Variants in RGS7 observed in about 807,000 individuals in gnomAD.
RGS7 encodes the protein regulator of G protein signaling 7.
In RGS7, 27 loss-of-function variants were observed where a neutral mutation model predicts 81.1. The observed-to-expected ratio is 0.33, with a 90% CI of 0.25 to 0.46. RGS7 has a LOEUF of 0.46. Among genes scored for constraint, RGS7 ranks in the 20% least tolerant of loss-of-function variants. The pLI is 1.00. For missense variants in RGS7, 396 were observed against 607.4 expected, an observed-to-expected ratio of 0.65 and a Z score of 3.66; for synonymous variants, 208 against 207.7, an observed-to-expected ratio of 1.00 and a Z score of -0.01.
rs562998503 is a variant in RGS7 at position 241,285,892 on chromosome 1, G to A, written c.78+69807C>T. ...CACAAGTATATACCTAGTTTTAAAG[G>A]TGCAGGGTTATAAGCATAAAAATGA... is the stretch of plus-strand genomic sequence containing the variant. On this transcript the variant is annotated intron_variant, in intron 2 of 18. Transcript: ENST00000440928. Among the ~76,000 whole-genome samples the A allele has an allele frequency of 2.0e-5, 3 of 152,124 alleles. No homozygotes were observed. In the East Asian group the frequency reaches 5.8e-4, roughly 29 times the overall value.
intron 9 of RGS7, among the ~76,000 whole-genome samples, chr1:240,846,550 C>A (rs1262937625): frequency 6.6e-6 from 1 of 152,092 alleles, no homozygotes; most frequent in Admixed American, 6.6e-5. Flanking sequence ...TAGGGCTTAA[C>A]CTAGTTTTAT....
intron 4 of RGS7, among the ~76,000 whole-genome samples, chr1:240,971,893 T>A (rs1213675003): frequency 5.9e-5 from 9 of 152,218 alleles, no homozygotes; most frequent in African/African-American, 2.2e-4. Flanking sequence ...TATAGGTTTG[T>A]AAGGGTCTTA....
At chr1:240,810,484 T>C (rs913646766) in intron 14 of RGS7, among the ~76,000 whole-genome samples, 1 of 148,716 alleles carries the variant, frequency 6.7e-6, no homozygotes, top group African/African-American at 2.5e-5. Context: ...TCTTGCTCTG[T>C]TGCCCAGGCT....
chr1:241,215,663 AC>A (rs2074504204), intron 2 of RGS7, among the ~76,000 whole-genome samples: 1 of 152,114 alleles, frequency 6.6e-6, no homozygotes, highest in South Asian at 2.1e-4. Flanking sequence ...AGTTCTAGCC[AC>A]CCAAGAGATA....
chr1:240,774,797 C>T (rs546582413), downstream of RGS7, among the ~76,000 whole-genome samples: 15 of 152,232 alleles, frequency 9.9e-5, no homozygotes, highest in South Asian at 8.3e-4. Flanking sequence ...CCTCCTCGTC[C>T]ACAGGTTCCA....
chr1:241,021,005 G>T (rs1378794732), intron 3 of RGS7, among the ~76,000 whole-genome samples: 5 of 152,110 alleles, frequency 3.3e-5, no homozygotes, highest in African/African-American at 1.2e-4. Context: ...TAATGTTTAT[G>T]GTTTAATTAA....
intron 2 of RGS7, among the ~76,000 whole-genome samples, chr1:241,302,345 C>T (rs779954774): frequency 1.2e-4 from 18 of 152,190 alleles, no homozygotes; most frequent in South Asian, 4.2e-4. Context: ...GTCAGGAGAT[C>T]GAGACCATCC....
At chr1:240,862,822 A>G (rs761645021) in intron 9 of RGS7, among the ~76,000 whole-genome samples, 14 of 146,862 alleles carry the variant, frequency 9.5e-5, no homozygotes, top group Non-Finnish European at 1.8e-4. Context: ...ATTGATAGTG[A>G]TTGCTTCATA....
chr1:240,856,495 A>C lies in RGS7; in HGVS notation c.609+12092T>G, dbSNP rs1422780446. Reference sequence around the variant, plus strand: ...GTAATGCACAGATTTTTTTCAGTGAAAATCAAAGAAATGTACCACTTTACT... The same window carrying C: ...GTAATGCACAGATTTTTTTCAGTGACAATCAAAGAAATGTACCACTTTACT... On this transcript the variant is annotated intron_variant, in intron 9 of 18. Transcript: ENST00000440928. Among the ~76,000 whole-genome samples, 4 of 152,256 alleles carry C rather than the reference A, an allele frequency of 2.6e-5. No individual in the cohort carries two copies. In the East Asian group the frequency reaches 5.8e-4, roughly 22 times the overall value.
At chr1:240,847,059 T>A (rs1163539665) in intron 9 of RGS7, among the ~76,000 whole-genome samples, 1 of 152,198 alleles carries the variant, frequency 6.6e-6, no homozygotes, top group Non-Finnish European at 1.5e-5. Flanking sequence ...AATTTTGGGA[T>A]AATTTGTTAT....
rs1187346410 is a variant in RGS7, at chr1:241,189,955, T to A, written c.79-91193A>T. Among the ~76,000 whole-genome samples the A allele has an allele frequency of 3.3e-5, 5 of 151,996 alleles. No homozygotes were observed. In the East Asian group the frequency reaches 7.8e-4, roughly 24 times the overall value. On this transcript the variant is annotated intron_variant, in intron 2 of 18. Coordinates refer to ENST00000440928, the MANE Select transcript of RGS7 (RefSeq NM_001364886.1). ...CGTCTCTACTAAAAATACAAAAATT[T>A]AGCCGGGCGCGGTGGTGGGCACCTG...
intron 2 of RGS7, among the ~76,000 whole-genome samples, chr1:241,310,938 C>T (rs546123644): frequency 2.0e-5 from 3 of 152,284 alleles, no homozygotes; most frequent in South Asian, 2.1e-4. Flanking sequence ...CCTTTCATCT[C>T]GATCCCTGGA....
At chr1:240,991,221 T>C (rs984255843) in intron 3 of RGS7, among the ~76,000 whole-genome samples, 1 of 152,256 alleles carries the variant, frequency 6.6e-6, no homozygotes, top group African/African-American at 2.4e-5. Flanking sequence ...AGATTTTTAA[T>C]CTTTGTTGTG....
Position 241,189,891 on chromosome 1 carries a change from G to A in RGS7, c.79-91129C>T, listed in dbSNP as rs1310907363. Reference sequence around the variant, plus strand: ...AGCACTTTGGGAGGCCAAGGCGGGCGGATCACAAGGTCAGGAGATCGAGCC... The same window carrying A: ...AGCACTTTGGGAGGCCAAGGCGGGCAGATCACAAGGTCAGGAGATCGAGCC... On this transcript the variant is annotated intron_variant, in intron 2 of 18. Coordinates refer to ENST00000440928, the MANE Select transcript of RGS7 (RefSeq NM_001364886.1). Among the ~76,000 whole-genome samples the A allele has an allele frequency of 3.9e-5, 6 of 152,112 alleles. No individual in the cohort carries two copies. In the South Asian group the frequency reaches 6.2e-4, roughly 16 times the overall value.
At chr1:240,937,010 CA>C (rs1676743646) in intron 4 of RGS7, among the ~76,000 whole-genome samples, 1 of 152,186 alleles carries the variant, frequency 6.6e-6, no homozygotes, top group East Asian at 1.9e-4. Context: ...CCCACTGAAA[CA>C]GGTCTTCCAG....
intron 3 of RGS7, among the ~76,000 whole-genome samples, chr1:241,045,610 T>C (rs1182072148): frequency 6.6e-6 from 1 of 152,130 alleles, no homozygotes; most frequent in Non-Finnish European, 1.5e-5. Context: ...GTGATCCTCC[T>C]GTCTCAGCCT....
chr1:241,146,008 A>G (rs949482500), intron 2 of RGS7, among the ~76,000 whole-genome samples: 4 of 152,168 alleles, frequency 2.6e-5, no homozygotes, highest in Non-Finnish European at 4.4e-5. Flanking sequence ...TTTGGAAAAA[A>G]TAAACCGTTT....
intron 2 of RGS7, among the ~76,000 whole-genome samples, chr1:241,346,150 T>TA (rs11459171): frequency 0.21 from 31,696 of 151,768 alleles, 4,135 homozygotes; most frequent in African/African-American, 0.37. Flanking sequence ...TAAAATTTGA[T>TA]AAAAAAAACT....
intron 18 of RGS7, among the ~76,000 whole-genome samples, chr1:240,791,232 T>C (rs1685953626): frequency 6.6e-6 from 1 of 152,184 alleles, no homozygotes. Context: ...ATAAGTGGTG[T>C]ATTTAGGATT....
Sources: allele counts gnomAD v4.1 joint callset (sites outside exome capture counted in the v4.1 genomes callset), GRCh38; gene constraint gnomAD v4.1.1; transcripts MANE v1.5; gene names NCBI Gene and HGNC (gene_info 2026-07-23, HGNC 2026-07-21).